BTRC: variants seen among roughly 807,000 people sequenced by gnomAD.
The protein encoded by BTRC is F-box/WD repeat-containing protein 1A.
Under a neutral mutation model 85.5 loss-of-function variants are expected in BTRC, and 42 were observed. The observed-to-expected ratio is 0.49, with a 90% CI of 0.38 to 0.64. The LOEUF is 0.64. BTRC is among the 30% of genes least tolerant of loss of function. The pLI is 0.00. For synonymous variants in BTRC, 255 were observed against 263.3 expected (o/e 0.97, Z 0.30); for missense variants, 594 against 743.5 (o/e 0.80, Z 2.34).
At chr10:101,507,827 A>G (rs1021804270) in intron 4 of BTRC, among the ~76,000 whole-genome samples, 1 of 152,212 alleles carries the variant, frequency 6.6e-6, no homozygotes, top group African/African-American at 2.4e-5. Flanking sequence ...TTATAATTAA[A>G]CATTATGTCC....
chr10:101,464,996 A>C (rs559201550), intron 3 of BTRC, among the ~76,000 whole-genome samples: 7 of 152,218 alleles, frequency 4.6e-5, no homozygotes, highest in Non-Finnish European at 1.0e-4. Context: ...TGATTACCCC[A>C]TTGCTGATTT....
At chr10:101,411,671 A>G (rs951154595) in intron 1 of BTRC, among the ~76,000 whole-genome samples, 3 of 150,884 alleles carry the variant, frequency 2.0e-5, no homozygotes, top group African/African-American at 7.3e-5. Context: ...TGTTCATGTT[A>G]TTATAGCTGT....
intron 5 of BTRC, 47 bp from the exon 6 acceptor site, chr10:101,525,966 C>G: frequency 6.4e-7 from 1 of 1,571,276 alleles, no homozygotes; most frequent in Non-Finnish European, 8.7e-7. Flanking sequence ...AAAAATCATT[C>G]GCCACCTTCT....
At chr10:101,432,240 A>G (rs2134086313) in intron 2 of BTRC, among the ~76,000 whole-genome samples, 1 of 150,166 alleles carries the variant, frequency 6.7e-6, no homozygotes, top group East Asian at 2.0e-4. Context: ...TTGCCCTCCT[A>G]CCTCAAACTT....
intron 1 of BTRC, among the ~76,000 whole-genome samples, chr10:101,411,148 C>T (rs942090458): frequency 2.6e-5 from 4 of 151,814 alleles, no homozygotes; most frequent in African/African-American, 7.3e-5. Context: ...GGTGCAGGCC[C>T]CTACGCCTGG....
intron 1 of BTRC, among the ~76,000 whole-genome samples, chr10:101,389,940 A>G (rs952470268): frequency 6.6e-6 from 1 of 152,138 alleles, no homozygotes; most frequent in Admixed American, 6.5e-5. Context: ...CAAGACCACT[A>G]TAAGGCCTTT....
chr10:101,535,513 T>C (rs756474535), intron 11 of BTRC, 41 bp downstream of exon 11: 24 of 1,337,644 alleles, frequency 1.8e-5, no homozygotes, highest in East Asian at 2.3e-5. Flanking sequence ...ATCAATATTA[T>C]GCTCCCATTC....
intron 13 of BTRC, among the ~76,000 whole-genome samples, chr10:101,544,413 T>G (rs1465827821): frequency 3.3e-5 from 5 of 151,822 alleles, no homozygotes; most frequent in Non-Finnish European, 5.9e-5. Context: ...GAAAGTTTTT[T>G]TTTTTTTTTT....
rs71016330 is a variant in BTRC at position 101,509,243 on chromosome 10, A to ATTTT, written c.325-12370_325-12367dup. 1.8e-3 allele frequency among the ~76,000 whole-genome samples: 123 copies of ATTTT among 69,918 alleles called. 11 individuals are homozygous for ATTTT. Among genetic ancestry groups the ATTTT allele is most frequent in the African/African-American group, 7.5e-3 (110 of 14,608 alleles). 45.9% of individuals were successfully genotyped at this position (69,918 alleles called of 152,430 possible). ...TTCAAGCATGACAGTGGCAATGTGG[A>ATTTT]TTTTTTTTTTTTTTTTTTTTTTTTT... On this transcript the variant is annotated intron_variant, in intron 4 of 14. Transcript: ENST00000370187.
chr10:101,462,437 T>G (rs1246513358), intron 3 of BTRC, among the ~76,000 whole-genome samples: 1 of 152,120 alleles, frequency 6.6e-6, no homozygotes, highest in Admixed American at 6.5e-5. Context: ...CCCACCACTT[T>G]GGGAGGCTGA....
intron 1 of BTRC, among the ~76,000 whole-genome samples, chr10:101,387,694 T>C (rs1298746153): frequency 1.4e-5 from 2 of 146,532 alleles, no homozygotes; most frequent in African/African-American, 2.5e-5. Context: ...ACCCGGCTGA[T>C]TTTTTTTTTT....
intron 13 of BTRC, 106 bp downstream of exon 13, chr10:101,538,477 A>T: frequency 9.9e-7 from 1 of 1,013,482 alleles, no homozygotes; most frequent in Non-Finnish European, 1.5e-6. Flanking sequence ...ACAACCTCAC[A>T]AAACCTACAA....
intron 4 of BTRC, among the ~76,000 whole-genome samples, chr10:101,508,707 G>A (rs1334352182): frequency 6.6e-6 from 1 of 152,088 alleles, no homozygotes; most frequent in Non-Finnish European, 1.5e-5. Context: ...GAGGTCAGGA[G>A]ATCAAGACCA....
chr10:101,446,116 C>A (rs1056938878), intron 2 of BTRC, among the ~76,000 whole-genome samples: 1 of 135,270 alleles, frequency 7.4e-6, no homozygotes, highest in Admixed American at 7.5e-5. Context: ...CCCCACCCCC[C>A]CAACCCCCTC....
intron 4 of BTRC, among the ~76,000 whole-genome samples, chr10:101,518,201 C>T (rs987670169): frequency 1.2e-4 from 18 of 152,096 alleles, no homozygotes; most frequent in African/African-American, 3.9e-4. Context: ...CGTGAGCCAC[C>T]GCGCCCGGCC....
At chr10:101,447,491 A>G (rs1324211399) in intron 2 of BTRC, among the ~76,000 whole-genome samples, 1 of 152,174 alleles carries the variant, frequency 6.6e-6, no homozygotes, top group Non-Finnish European at 1.5e-5. Flanking sequence ...AGATACTTTA[A>G]TACCACAATT....
At chr10:101,510,971 C>T (rs779854367) in intron 4 of BTRC, among the ~76,000 whole-genome samples, 5 of 152,150 alleles carry the variant, frequency 3.3e-5, no homozygotes, top group Non-Finnish European at 7.3e-5. Context: ...GCAACTTGCT[C>T]TTATTATCCC....
intron 1 of BTRC, among the ~76,000 whole-genome samples, chr10:101,376,991 T>G (rs1224449484): frequency 6.6e-6 from 1 of 152,194 alleles, no homozygotes; most frequent in Non-Finnish European, 1.5e-5. Context: ...GTTTTAGGAA[T>G]TCTAATATGT....
intron 2 of BTRC, among the ~76,000 whole-genome samples, chr10:101,436,073 C>A (rs1310276491): frequency 5.3e-5 from 8 of 152,044 alleles, no homozygotes; most frequent in Admixed American, 5.2e-4. Flanking sequence ...AGAATAAATT[C>A]TATGGGGATA....
Sources: allele counts gnomAD v4.1 joint callset (sites outside exome capture counted in the v4.1 genomes callset), GRCh38; gene constraint gnomAD v4.1.1; transcripts MANE v1.5; gene names NCBI Gene and HGNC (gene_info 2026-07-23, HGNC 2026-07-21).